SNAPC3: variants seen among roughly 807,000 people sequenced by gnomAD.
SNAPC3 encodes snRNA-activating protein complex subunit 3.
A neutral mutation model predicts 47.7 loss-of-function variants in SNAPC3; 56 were observed. The ratio of observed to expected loss-of-function variants is 1.18; its 90% confidence interval spans 0.95 to 1.47. The LOEUF (loss-of-function observed/expected upper bound fraction) is 1.47. SNAPC3 is among the 40% of genes most tolerant of loss of function. SNAPC3 has a pLI of 0.00. For synonymous variants in SNAPC3, 235 were observed against 189.9 expected (o/e 1.24, Z -1.95); for missense variants, 665 against 511.3 (o/e 1.30, Z -2.90).
At chr9:15,438,086 T>G (rs555455253) in intron 3 of SNAPC3, among the ~76,000 whole-genome samples, 1 of 152,320 alleles carries the variant, frequency 6.6e-6, no homozygotes, top group East Asian at 1.9e-4. Context: ...TTGGTAGAAT[T>G]TACCAGTGAA....
intron 5 of SNAPC3, among the ~76,000 whole-genome samples, chr9:15,449,108 G>C (rs2034167490): frequency 1.3e-5 from 2 of 152,098 alleles, no homozygotes. Flanking sequence ...ACCGTGCCTG[G>C]CCAAGATTTT....
intron 1 of SNAPC3, among the ~76,000 whole-genome samples, chr9:15,423,663 G>A (rs950414829): frequency 6.6e-6 from 1 of 152,122 alleles, no homozygotes; most frequent in African/African-American, 2.4e-5. Flanking sequence ...TGCCTTATTT[G>A]GGGATGAAAA....
intron 2 of SNAPC3, among the ~76,000 whole-genome samples, chr9:15,424,621 C>T (rs1220425233): frequency 6.6e-6 from 1 of 152,158 alleles, no homozygotes; most frequent in Non-Finnish European, 1.5e-5. Context: ...TAAATGCTTA[C>T]TGTCATTTTC....
chr9:15,461,652 A>C (rs534652849), downstream of SNAPC3: 1 of 152,242 alleles, frequency 6.6e-6, no homozygotes, highest in Non-Finnish European at 1.5e-5. Flanking sequence ...ATTTGACTGA[A>C]TATCTGGATG....
At chr9:15,441,383 CTTTTTTTT>C (rs77103785) in intron 3 of SNAPC3, among the ~76,000 whole-genome samples, 10 of 59,566 alleles carry the variant, frequency 1.7e-4, no homozygotes, top group African/African-American at 3.1e-4. Flanking sequence ...GTTCCCTTTT[CTTTTTTTT>C]TTTTTTTTTT....
At chr9:15,437,811 GAAGAA>G (rs2032972896) in intron 3 of SNAPC3, among the ~76,000 whole-genome samples, 1 of 152,082 alleles carries the variant, frequency 6.6e-6, no homozygotes, top group Non-Finnish European at 1.5e-5. Flanking sequence ...ATCAATAACA[GAAGAA>G]AAGTTGGAAA....
chr9:15,464,729 G>T, downstream of SNAPC3: 1 of 203,380 alleles, frequency 4.9e-6, no homozygotes, highest in East Asian at 7.6e-5. Context: ...TTAGTTACTA[G>T]TGCCTGCCTA....
chr9:15,442,192 C>G (rs1202647556), intron 3 of SNAPC3, among the ~76,000 whole-genome samples: 1 of 145,626 alleles, frequency 6.9e-6, no homozygotes, highest in Non-Finnish European at 1.5e-5. Context: ...GGCGGCTGGC[C>G]GGGCGGGGGC....
intron 6 of SNAPC3, among the ~76,000 whole-genome samples, chr9:15,452,251 C>T (rs760351652): frequency 1.3e-5 from 2 of 152,144 alleles, no homozygotes; most frequent in South Asian, 2.1e-4. Flanking sequence ...GTGTGAGCCA[C>T]AATGCCCAGC....
intron 2 of SNAPC3, among the ~76,000 whole-genome samples, chr9:15,426,062 G>A (rs1443214748): frequency 6.6e-6 from 1 of 152,126 alleles, no homozygotes; most frequent in Non-Finnish European, 1.5e-5. Flanking sequence ...TCTCCATGTT[G>A]GTCAGGCTCC....
intron 3 of SNAPC3, among the ~76,000 whole-genome samples, chr9:15,442,864 A>C (rs990224690): frequency 1.3e-5 from 2 of 152,142 alleles, no homozygotes; most frequent in African/African-American, 4.8e-5. Flanking sequence ...ACGCCACTGC[A>C]CTCCAGCCTG....
chr9:15,436,922 C>A (rs181102067), intron 3 of SNAPC3, among the ~76,000 whole-genome samples: 1 of 148,712 alleles, frequency 6.7e-6, no homozygotes, highest in Admixed American at 6.8e-5. Flanking sequence ...CTCCCGGGTT[C>A]GAGCGATTCT....
chr9:15,428,820 G>C (rs2031783466), intron 2 of SNAPC3, among the ~76,000 whole-genome samples: 1 of 151,916 alleles, frequency 6.6e-6, no homozygotes, highest in Non-Finnish European at 1.5e-5. Context: ...AAATGACAAA[G>C]AAAAAAGTAA....
intron 2 of SNAPC3, among the ~76,000 whole-genome samples, chr9:15,432,240 A>G (rs1326903192): frequency 6.6e-6 from 1 of 152,238 alleles, no homozygotes; most frequent in Non-Finnish European, 1.5e-5. Flanking sequence ...AAGTATCAGT[A>G]TAAACTCATA....
At chr9:15,449,635 G>C (rs1306582787) in intron 5 of SNAPC3, among the ~76,000 whole-genome samples, 1 of 132,566 alleles carries the variant, frequency 7.5e-6, no homozygotes, top group Admixed American at 8.6e-5. Context: ...CAATGGCACC[G>C]TCTCGGCTCA....
At chr9:15,446,305 C>G (rs1194991296) in intron 4 of SNAPC3, among the ~76,000 whole-genome samples, 1 of 152,180 alleles carries the variant, frequency 6.6e-6, no homozygotes, top group Non-Finnish European at 1.5e-5. Context: ...CAGCTTCGCT[C>G]GAGCAATCCT....
At chr9:15,458,980 G>C (rs1412275382) in intron 8 of SNAPC3, among the ~76,000 whole-genome samples, 1 of 152,112 alleles carries the variant, frequency 6.6e-6, no homozygotes, top group Non-Finnish European at 1.5e-5. Context: ...TCTGCAATTT[G>C]AAATACTTCT....
In SNAPC3 at chr9:15,452,779, A is replaced by G. The variant is rs185770797; in HGVS notation, c.816-262A>G. Among the ~76,000 whole-genome samples the G allele has an allele frequency of 2.6e-5, 4 of 152,374 alleles. No homozygotes were observed. In the East Asian group the frequency reaches 7.7e-4, roughly 29 times the overall value. ...TTTTGTGAAAAATATTTTTCAAAAC[A>G]CAATGAGTGGCATTGTTACACATTT... On this transcript the variant is annotated intron_variant, in intron 6 of 8. Coordinates refer to ENST00000380821, the MANE Select transcript of SNAPC3 (RefSeq NM_001039697.2).
chr9:15,433,652 A>T lies in SNAPC3; in HGVS notation c.477+16A>T, dbSNP rs1367473201. The T allele has an allele frequency of 3.4e-6, 5 of 1,487,150 alleles. No homozygotes were observed. The East Asian group carries it at 1.1e-4, about 34-fold the overall frequency. The allele number at this position is 1,487,150 out of a possible 1,614,324, so 92.1% of individuals were successfully genotyped here. A position where few individuals can be genotyped will look rare whatever the true frequency, so the allele number is the denominator to read the frequency against. ...TTATGAGATGGTAATTAAGAGTCTC[A>T]TCTTTTTCACCCTTTTCTCTTAAAA... On this transcript the variant is annotated intron_variant, in intron 3 of 8. Transcript: ENST00000380821.
Sources: allele counts gnomAD v4.1 joint callset (sites outside exome capture counted in the v4.1 genomes callset), GRCh38; gene constraint gnomAD v4.1.1; transcripts MANE v1.5; gene names NCBI Gene and HGNC (gene_info 2026-07-23, HGNC 2026-07-21).